KAT2B: variants seen among roughly 807,000 people sequenced by gnomAD.
KAT2B encodes the protein lysine acetyltransferase 2B.
In KAT2B, 36 loss-of-function variants were observed where a neutral mutation model predicts 105.9. The ratio of observed to expected loss-of-function variants is 0.34; its 90% CI spans 0.26 to 0.45. The LOEUF (loss-of-function observed/expected upper bound fraction) is 0.45. KAT2B is among the 20% of genes least tolerant of loss of function. The probability of loss-of-function intolerance (pLI) is 1.00; values close to 1 mark genes in which losing one functional copy is unlikely to be tolerated. For missense variants in KAT2B, 820 were observed against 1,021.6 expected, an observed-to-expected ratio of 0.80 and a Z score of 2.69; for synonymous variants, 397 against 377.9, an observed-to-expected ratio of 1.05 and a Z score of -0.59.
At chr3:20,132,784 G>A (rs1263132784) in intron 11 of KAT2B, among the ~76,000 whole-genome samples, 1 of 152,168 alleles carries the variant, frequency 6.6e-6, no homozygotes, top group African/African-American at 2.4e-5. Context: ...GTTTTGAGAA[G>A]CTATTTACCA....
intron 1 of KAT2B, among the ~76,000 whole-genome samples, chr3:20,062,502 C>T (rs1698155593): frequency 7.0e-6 from 1 of 142,936 alleles, no homozygotes; most frequent in African/African-American, 2.6e-5. Flanking sequence ...TGCTCTGTCA[C>T]CCAGGCTGGA....
chr3:20,061,021 GT>G (rs566062804), intron 1 of KAT2B, among the ~76,000 whole-genome samples: 2 of 152,154 alleles, frequency 1.3e-5, no homozygotes, highest in Non-Finnish European at 2.9e-5. Flanking sequence ...CTATTTTTAA[GT>G]GTCTAGTTCA....
At position 20,140,290 on chromosome 3, in the gene KAT2B, A is replaced by G; in HGVS notation, c.1930A>G (p.Thr644Ala). Reference protein sequence around the residue: ...VGYIKDYEGATLMGCELNPRI... With the variant: ...VGYIKDYEGAALMGCELNPRI... ...CTATATCAAGGATTATGAAGGAGCC[A>G]CTTTAATGGGATGTGAGCTAAATCC... The change falls in exon 13 of 18, where the codon ACT becomes GCT. Residue 644 changes from threonine to alanine, a missense_variant. Thr to Ala is a moderately conservative substitution (Grantham distance 58). Transcript: ENST00000263754. 6.2e-7 allele frequency: 1 copy of G among 1,612,578 alleles called. No homozygotes were observed.
intron 17 of KAT2B, among the ~76,000 whole-genome samples, chr3:20,150,049 T>C (rs1415129956): frequency 1.3e-5 from 2 of 152,150 alleles, no homozygotes. Context: ...TTTCTGAAAG[T>C]GTTTTGCTTG....
intron 6 of KAT2B, 89 bp downstream of exon 6, chr3:20,111,876 G>T: frequency 9.9e-7 from 1 of 1,006,818 alleles, no homozygotes. Flanking sequence ...TAACAAGATC[G>T]GAAATGACAG....
intron 1 of KAT2B, among the ~76,000 whole-genome samples, chr3:20,059,848 T>G (rs1424514717): frequency 6.6e-6 from 1 of 152,204 alleles, no homozygotes; most frequent in Admixed American, 6.5e-5. Context: ...TTTAGAAGAT[T>G]TCCATCACCT....
chr3:20,142,641 G>A (rs544079052), intron 13 of KAT2B, among the ~76,000 whole-genome samples: 1 of 152,168 alleles, frequency 6.6e-6, no homozygotes, highest in African/African-American at 2.4e-5. Context: ...TACTTTGTGA[G>A]TGTTGACTCC....
chr3:20,107,220 G>A (rs888281604), intron 5 of KAT2B, among the ~76,000 whole-genome samples: 5 of 147,138 alleles, frequency 3.4e-5, no homozygotes, highest in African/African-American at 9.9e-5. Flanking sequence ...TAGTAGAGAC[G>A]GCGTTTCACC....
chr3:20,124,808 C>T (rs569128460), intron 9 of KAT2B, among the ~76,000 whole-genome samples: 1 of 152,240 alleles, frequency 6.6e-6, no homozygotes, highest in South Asian at 2.1e-4. Flanking sequence ...CACCTGGTTA[C>T]CTGGATAGCC....
intron 9 of KAT2B, among the ~76,000 whole-genome samples, chr3:20,123,590 A>T (rs941489175): frequency 1.2e-4 from 18 of 152,380 alleles, no homozygotes; most frequent in Admixed American, 1.2e-3. Flanking sequence ...GGCCTAATAT[A>T]AAACCGTATT....
intron 2 of KAT2B, among the ~76,000 whole-genome samples, chr3:20,080,161 G>A (rs1698494786): frequency 6.6e-6 from 1 of 152,170 alleles, no homozygotes. Context: ...ACCCCTCTGA[G>A]CTTCTCATTA....
At chr3:20,049,752 T>C (rs1697882057) in intron 1 of KAT2B, among the ~76,000 whole-genome samples, 1 of 152,190 alleles carries the variant, frequency 6.6e-6, no homozygotes, top group Admixed American at 6.5e-5. Context: ...GACAGACATA[T>C]ACATGCTCTT....
intron 8 of KAT2B, 73 bp downstream of exon 8, chr3:20,119,796 G>A: frequency 1.3e-6 from 2 of 1,533,648 alleles, no homozygotes; most frequent in Non-Finnish European, 1.8e-6. Flanking sequence ...GAGTGCAAAA[G>A]GTAGACTTGA....
At chr3:20,115,353 G>T (rs1156292878) in intron 7 of KAT2B, among the ~76,000 whole-genome samples, 17 of 152,182 alleles carry the variant, frequency 1.1e-4, no homozygotes, top group Admixed American at 1.1e-3. Flanking sequence ...CATTTTGTGA[G>T]GAAGGAAGAC....
chr3:20,146,654 T>C (rs1699788091), intron 14 of KAT2B: 1 of 333,684 alleles, frequency 3.0e-6, no homozygotes, highest in East Asian at 4.7e-5. Flanking sequence ...GTAATAGCTG[T>C]TAATATCCAC....
intron 3 of KAT2B, among the ~76,000 whole-genome samples, chr3:20,096,621 A>C (rs1698815771): frequency 6.6e-6 from 1 of 151,976 alleles, no homozygotes; most frequent in African/African-American, 2.4e-5. Context: ...TTTTATAATA[A>C]CTCTCCTTCA....
intron 13 of KAT2B, among the ~76,000 whole-genome samples, chr3:20,140,767 C>T (rs1324690522): frequency 6.6e-6 from 1 of 152,158 alleles, no homozygotes; most frequent in African/African-American, 2.4e-5. Flanking sequence ...GTTGGGATTA[C>T]AGGTGTGAGC....
intron 2 of KAT2B, among the ~76,000 whole-genome samples, chr3:20,076,963 A>G (rs1698431124): frequency 1.3e-5 from 2 of 152,196 alleles, no homozygotes; most frequent in African/African-American, 4.8e-5. Flanking sequence ...ATTGATTGAG[A>G]TAGTATCAAT....
chr3:20,133,026 TA>T (rs1303621185), intron 11 of KAT2B, among the ~76,000 whole-genome samples: 1 of 152,200 alleles, frequency 6.6e-6, no homozygotes, highest in African/African-American at 2.4e-5. Context: ...TTCCTCTAGT[TA>T]AAAAAATTTT....
Sources: gnomAD v4.1 joint callset for allele counts (sites outside exome capture counted in the v4.1 genomes callset) on GRCh38, gnomAD v4.1.1 for gene constraint, MANE v1.5 for transcripts, NCBI Gene and HGNC (gene_info 2026-07-23, HGNC 2026-07-21) for gene names.